SLC39A11: variants seen among roughly 807,000 people sequenced by gnomAD.
The protein encoded by SLC39A11 is zinc transporter ZIP11.
In SLC39A11, 33 loss-of-function variants were observed where a neutral mutation model predicts 36.1. That is an observed-to-expected ratio of 0.91 (90% confidence interval 0.69 to 1.22). The LOEUF is 1.22. SLC39A11 is among the 50% of genes most tolerant of loss of function. The probability of loss-of-function intolerance (pLI) is 0.00; values close to 1 mark genes in which losing one functional copy is unlikely to be tolerated. For synonymous variants in SLC39A11, 166 were observed against 170.3 expected, an observed-to-expected ratio of 0.97 and a Z score of 0.20; for missense variants, 432 against 430.3, an observed-to-expected ratio of 1.00 and a Z score of -0.03.
chr17:72,682,097 G>A (rs1223638600), intron 7 of SLC39A11, among the ~76,000 whole-genome samples: 2 of 152,164 alleles, frequency 1.3e-5, no homozygotes, highest in Admixed American at 1.3e-4. Context: ...ATCGTGAACC[G>A]CACATGCAAG....
chr17:72,758,930 C>G (rs138401181), intron 6 of SLC39A11, among the ~76,000 whole-genome samples: 3,279 of 152,140 alleles, frequency 0.022, 107 homozygotes, highest in African/African-American at 0.074. Flanking sequence ...ATGGCAAAAC[C>G]CTGTCTCTAC....
intron 3 of SLC39A11, among the ~76,000 whole-genome samples, chr17:73,084,488 G>A (rs897741852): frequency 6.7e-6 from 1 of 150,104 alleles, no homozygotes; most frequent in Non-Finnish European, 1.5e-5. Flanking sequence ...ATCTTTTAAG[G>A]GAGAAGGGGA....
chr17:72,684,282 G>C (rs1316871111), intron 7 of SLC39A11, among the ~76,000 whole-genome samples: 1 of 152,182 alleles, frequency 6.6e-6, no homozygotes, highest in Non-Finnish European at 1.5e-5. Context: ...GCCTAGTAAA[G>C]TCAATGGTAC....
At chr17:72,798,406 A>G (rs1478280270) in intron 6 of SLC39A11, among the ~76,000 whole-genome samples, 1 of 113,958 alleles carries the variant, frequency 8.8e-6, no homozygotes, top group Non-Finnish European at 2.0e-5. Flanking sequence ...GGTCTCTTCC[A>G]CTTCTTTCTT....
chr17:72,743,987 T>C (rs987238180), intron 6 of SLC39A11, among the ~76,000 whole-genome samples: 16 of 152,212 alleles, frequency 1.1e-4, no homozygotes, highest in African/African-American at 3.9e-4. Flanking sequence ...CGGAAGGAGC[T>C]GGCTCCAACC....
At chr17:72,715,703 C>CTTTTTTTA (rs2073331505) in intron 7 of SLC39A11, among the ~76,000 whole-genome samples, 1 of 152,012 alleles carries the variant, frequency 6.6e-6, no homozygotes, top group African/African-American at 2.4e-5. Flanking sequence ...CATGTACCAT[C>CTTTTTTTA]TTTTTTTATT....
chr17:73,017,584 G>A (rs527956222), intron 4 of SLC39A11, among the ~76,000 whole-genome samples: 64 of 152,044 alleles, frequency 4.2e-4, no homozygotes, highest in Non-Finnish European at 5.7e-4. Context: ...GTGGTGGCAC[G>A]TGCCTGTAAT....
chr17:73,036,437 T>C (rs2058918260), intron 3 of SLC39A11, among the ~76,000 whole-genome samples: 1 of 137,224 alleles, frequency 7.3e-6, no homozygotes, highest in African/African-American at 3.0e-5. Context: ...TTTTGTTTTG[T>C]TTTTTGTTTT....
chr17:73,009,088 G>A (rs1191918994), intron 4 of SLC39A11, among the ~76,000 whole-genome samples: 3 of 150,374 alleles, frequency 2.0e-5, no homozygotes, highest in African/African-American at 7.3e-5. Flanking sequence ...AGGCAGGGGG[G>A]CGGGGTGGCT....
intron 6 of SLC39A11, among the ~76,000 whole-genome samples, chr17:72,777,908 C>T (rs1325025253): frequency 6.8e-6 from 1 of 147,900 alleles, no homozygotes; most frequent in Non-Finnish European, 1.5e-5. Context: ...TACGTACATA[C>T]TTACTTACTT....
intron 4 of SLC39A11, among the ~76,000 whole-genome samples, chr17:72,991,210 C>T (rs571896444): frequency 3.9e-5 from 6 of 152,194 alleles, no homozygotes; most frequent in South Asian, 2.1e-4. Flanking sequence ...TGCTTTATAA[C>T]GCTATTTTTA....
intron 7 of SLC39A11, among the ~76,000 whole-genome samples, chr17:72,657,976 A>C (rs1422188450): frequency 6.6e-6 from 1 of 152,156 alleles, no homozygotes; most frequent in Admixed American, 6.5e-5. Flanking sequence ...CCCAGCCCTG[A>C]GTGGCATCCA....
Position 72,736,696 on chromosome 17 carries a change from ATCCAAC to A in SLC39A11, c.619_624del (p.Val207_Gly208del). The A allele has an allele frequency of 6.2e-7, 1 of 1,613,972 alleles. No homozygotes were observed. The highest frequency in any genetic ancestry group is 8.5e-7 in the Non-Finnish European group (1 of 1,179,926). ...GATGCCGTCTTTTCTATAGCCCCAA[ATCCAAC>A]TCCAACAGCGAGACCCTCTGAAATA... On this transcript the variant is annotated inframe_deletion, in exon 7 of 10. Coordinates refer to ENST00000255559, the MANE Select transcript of SLC39A11 (RefSeq NM_139177.4).
chr17:72,881,206 CAA>C (rs1259987502), intron 5 of SLC39A11, among the ~76,000 whole-genome samples: 1 of 152,084 alleles, frequency 6.6e-6, no homozygotes, highest in Non-Finnish European at 1.5e-5. Flanking sequence ...GACTTGTACA[CAA>C]ATATTTGTTG....
intron 7 of SLC39A11, among the ~76,000 whole-genome samples, chr17:72,724,889 C>T (rs932497177): frequency 1.3e-5 from 2 of 152,100 alleles, no homozygotes; most frequent in Admixed American, 1.3e-4. Flanking sequence ...CCTGTTTTCC[C>T]AGTTGCAGTT....
chr17:73,078,423 G>C (rs75045462), intron 3 of SLC39A11, among the ~76,000 whole-genome samples: 2,358 of 152,080 alleles, frequency 0.016, 49 homozygotes, highest in African/African-American at 0.05. Context: ...AAGGAGGTAG[G>C]TAGGTAGCTA....
intron 5 of SLC39A11, among the ~76,000 whole-genome samples, chr17:72,915,968 C>T (rs1035350299): frequency 6.6e-6 from 1 of 152,202 alleles, no homozygotes; most frequent in Non-Finnish European, 1.5e-5. Context: ...CACATCCACA[C>T]GTCTGGCCGT....
Position 73,004,227 on chromosome 17 carries a change from G to GAAAGA in SLC39A11, c.306+27324_306+27328dup, listed in dbSNP as rs758355695. On this transcript the variant is annotated intron_variant, in intron 4 of 9. Coordinates refer to ENST00000255559, the MANE Select transcript of SLC39A11 (RefSeq NM_139177.4). ...AGAAAGAAAGAAAGAAAGAAAGAAA[G>GAAAGA]AAAGAAAAGAAAGAAAGAGAAAAAG... Among the ~76,000 whole-genome samples, 95 of 92,498 alleles carry GAAAGA rather than the reference G, an allele frequency of 1.0e-3. 2 individuals carry two copies. Among genetic ancestry groups the GAAAGA allele is most frequent in the East Asian group, 3.2e-3 (11 of 3,402 alleles). The allele number at this position is 92,498 out of a possible 152,430, so 60.7% of individuals were successfully genotyped here.
chr17:72,735,945 G>A lies in SLC39A11; in HGVS notation c.671+705C>T, dbSNP rs117204762. Among the ~76,000 whole-genome samples, 79 of 152,292 alleles carry A rather than the reference G, an allele frequency of 5.2e-4. 2 individuals carry two copies. The East Asian group carries it at 0.012, about 24-fold the overall frequency. On this transcript the variant is annotated intron_variant, in intron 7 of 9. Coordinates refer to ENST00000255559, the MANE Select transcript of SLC39A11 (RefSeq NM_139177.4). ...GGGAAAACGCGGCATTGAGAGTGAC[G>A]GCAGGGTTGGCTTGGTCAACTGGGT...
Sources: gnomAD v4.1 joint callset for allele counts (sites outside exome capture counted in the v4.1 genomes callset) on GRCh38, gnomAD v4.1.1 for gene constraint, MANE v1.5 for transcripts, NCBI Gene and HGNC (gene_info 2026-07-23, HGNC 2026-07-21) for gene names.